NCF4: variants seen among roughly 807,000 people sequenced by gnomAD.
NCF4 encodes neutrophil cytosolic factor 4.
In NCF4, 30 loss-of-function variants were observed where a neutral mutation model predicts 41.7. The observed-to-expected ratio is 0.72, with a 90% CI of 0.54 to 0.97. The LOEUF (loss-of-function observed/expected upper bound fraction) is 0.97. Among genes scored for constraint, NCF4 ranks in the 50% least tolerant of loss-of-function variants. The pLI is 0.00. For synonymous variants in NCF4, 195 were observed against 175.8 expected (o/e 1.11, Z -0.87); for missense variants, 432 against 460.9 (o/e 0.94, Z 0.57).
In NCF4 at chr22:36,864,099, C is replaced by A. The variant is rs149998137; in HGVS notation, c.87C>A (p.Ile29=). 1 of 1,614,042 alleles carries A rather than the reference C, an allele frequency of 6.2e-7. No homozygotes were observed. The highest frequency in any genetic ancestry group is 1.3e-5 in the African/African-American group (1 of 75,006). The stretch of plus-strand genomic sequence containing the variant: ...CCATCTCGGCCAACATTGCTGACAT[C>A]GAGGAGAAGAGAGGCTTCACCAGCC... ...DVAISANIAD[I]EEKRGFTSHF... The change falls in exon 2 of 10, where the codon ATC becomes ATA. Residue 29 remains isoleucine, a synonymous_variant. Transcript: ENST00000248899.
chr22:36,861,447 CACA>C (rs956876563), intron 1 of NCF4, among the ~76,000 whole-genome samples: 6 of 152,250 alleles, frequency 3.9e-5, no homozygotes, highest in African/African-American at 9.6e-5. Flanking sequence ...CCCACGGTCA[CACA>C]ACGAGTGACC....
intron 2 of NCF4, 76 bp downstream of exon 2, chr22:36,864,205 A>C: frequency 8.7e-7 from 1 of 1,145,506 alleles, no homozygotes; most frequent in Non-Finnish European, 1.3e-6. Context: ...TTGCCCTCTG[A>C]CCTCTGAACC....
chr22:36,863,266 G>A lies in NCF4; in HGVS notation c.33-779G>A, dbSNP rs35563353. Among the ~76,000 whole-genome samples, 587 of 152,234 alleles carry A rather than the reference G, an allele frequency of 3.9e-3. 4 individuals are homozygous for A. Among genetic ancestry groups the A allele is most frequent in the African/African-American group, 0.013 (545 of 41,534 alleles). Reference sequence around the variant, plus strand: ...GCCCTCATGGAGATTTTAGGGCTGTGTTTGTTACAGATGGGACTGCATGAC... The same window carrying A: ...GCCCTCATGGAGATTTTAGGGCTGTATTTGTTACAGATGGGACTGCATGAC... On this transcript the variant is annotated intron_variant, in intron 1 of 9. Coordinates refer to ENST00000248899, the MANE Select transcript of NCF4 (RefSeq NM_000631.5).
chr22:36,862,401 A>G (rs147700493), intron 1 of NCF4, among the ~76,000 whole-genome samples: 4 of 152,284 alleles, frequency 2.6e-5, no homozygotes. Context: ...AGGCTGGCCG[A>G]CCTGAATTCC....
Position 36,861,075 on chromosome 22 carries a change from G to T in NCF4, c.-97G>T. On this transcript the variant is annotated 5_prime_UTR_variant, in exon 1 of 10. Coordinates refer to ENST00000248899, the MANE Select transcript of NCF4 (RefSeq NM_000631.5). ...GGGGACTCCCAGGACCACAGGCTGA[G>T]ACGAGACGCAGGGTGGCTGGAGGAA... The T allele has an allele frequency of 6.7e-7, 1 of 1,499,318 alleles. No homozygotes were observed. The highest frequency in any genetic ancestry group is 9.1e-7 in the Non-Finnish European group (1 of 1,100,166). The allele number at this position is 1,499,318 out of a possible 1,614,324, so 92.9% of individuals were successfully genotyped here. A position where few individuals can be genotyped will look rare whatever the true frequency, so the allele number is the denominator to read the frequency against.
rs532148733 is a variant in NCF4, at chr22:36,875,822, T to A, written c.758+39T>A. On this transcript the variant is annotated intron_variant, in intron 8 of 9. Transcript: ENST00000248899. ...GAGGGAGGGGCCTGTCCAGCCTTCC[T>A]GCCATCCCTACGACCACTGCCCCTC... 20 of 1,613,986 alleles carry A rather than the reference T, an allele frequency of 1.2e-5. No homozygotes were observed. Among genetic ancestry groups the A allele is most frequent in the Non-Finnish European group, 1.7e-5 (20 of 1,180,000 alleles).
At chr22:36,874,518 A>C (rs1205443255) in intron 7 of NCF4, among the ~76,000 whole-genome samples, 1 of 152,184 alleles carries the variant, frequency 6.6e-6, no homozygotes, top group African/African-American at 2.4e-5. Flanking sequence ...GGGCTCTTAC[A>C]GAGGCCTGAG....
chr22:36,877,674 G>A lies in NCF4; in HGVS notation c.871G>A (p.Glu291Lys). ...CATAGCTCTGAATTACCGGGACGCT[G>A]AGGGGGATCTGGTTCGGCTGCTGTC... ...EDIALNYRDA[E>K]GDLVRLLSDE... The change falls in exon 10 of 10, where the codon GAG (glutamate) becomes AAG (lysine). Residue 291 changes from glutamate to lysine, a missense_variant. By Grantham distance (56) the Glu-to-Lys change is moderately conservative. Transcript: ENST00000248899. 3 of 1,614,224 alleles carry A rather than the reference G, an allele frequency of 1.9e-6. No individual in the cohort carries two copies. The highest frequency in any genetic ancestry group is 2.7e-5 in the African/African-American group (2 of 75,050).
In NCF4 at chr22:36,877,699, C is replaced by T. The variant is rs1291456163; in HGVS notation, c.896C>T (p.Ser299Leu). The change falls in exon 10 of 10, where the codon TCG becomes TTG. Residue 299 changes from serine to leucine, a missense_variant. By Grantham distance (145) the Ser-to-Leu change is moderately radical. Transcript: ENST00000248899. ...GAGGGGGATCTGGTTCGGCTGCTGT[C>T]GGATGAGGACGTAGCGCTCATGGTG... ...DAEGDLVRLL[S>L]DEDVALMVRQ... 9 of 1,614,042 alleles carry T rather than the reference C, an allele frequency of 5.6e-6. No homozygotes were observed. The highest frequency in any genetic ancestry group is 5.3e-5 in the African/African-American group (4 of 74,902).
At chr22:36,876,191 CGTGT>C (rs1940190457) in intron 9 of NCF4, 97 bp downstream of exon 9, 2 of 1,241,982 alleles carry the variant, frequency 1.6e-6, no homozygotes, top group Non-Finnish European at 2.2e-6. Context: ...TGGGGTTTTG[CGTGT>C]ACTTTGTCTT....
Position 36,871,719 on chromosome 22 carries a change from G to A in NCF4, c.528+10G>A, listed in dbSNP as rs761240184. ...AGCTCCGAGAGCAGAGGTAACCCCC[G>A]CCCCCACGCTGGCCAGGCTCTCACA... is the stretch of plus-strand genomic sequence containing the variant. On this transcript the variant is annotated intron_variant, in intron 6 of 9. Coordinates refer to ENST00000248899, the MANE Select transcript of NCF4 (RefSeq NM_000631.5). The A allele has an allele frequency of 4.0e-5, 63 of 1,557,062 alleles. No homozygotes were observed. The highest frequency in any genetic ancestry group is 2.0e-4 in the African/African-American group (15 of 73,506).
intron 4 of NCF4, among the ~76,000 whole-genome samples, chr22:36,869,792 A>G (rs1180941994): frequency 1.3e-5 from 2 of 152,226 alleles, no homozygotes; most frequent in African/African-American, 4.8e-5. Flanking sequence ...CCTCTGGGCC[A>G]GGTACTTTCC....
In NCF4 at chr22:36,877,924, T is replaced by G; in HGVS notation, c.*101T>G. On this transcript the variant is annotated 3_prime_UTR_variant, in exon 10 of 10. Coordinates refer to ENST00000248899, the MANE Select transcript of NCF4 (RefSeq NM_000631.5). Reference sequence around the variant, plus strand: ...AACCTGGGAGGATGGGCAGACTTCCTGTCTTTGAGGCTAATGGACCCGTGG... The same window carrying G: ...AACCTGGGAGGATGGGCAGACTTCCGGTCTTTGAGGCTAATGGACCCGTGG... 8.1e-7 allele frequency: 1 copy of G among 1,229,970 alleles called. No individual in the cohort carries two copies. Among genetic ancestry groups the G allele is most frequent in the Non-Finnish European group, 1.1e-6 (1 of 870,354 alleles). 76.2% of individuals were successfully genotyped at this position (1,229,970 alleles called of 1,614,324 possible).
Position 36,865,551 on chromosome 22 carries a change from A to G in NCF4, c.271+479A>G, listed in dbSNP as rs1939907558. On this transcript the variant is annotated intron_variant, in intron 3 of 9. Coordinates refer to ENST00000248899, the MANE Select transcript of NCF4 (RefSeq NM_000631.5). This position sits in a 1 kb window ranked among gnomAD's most constrained non-coding sequence, Gnocchi z 4.3. ...CCCGCCAGGAAGCTGGGTGGCCTCA[A>G]GCCTCTGCTTGCAAACAGTCTCCCC... is the stretch of plus-strand genomic sequence containing the variant. 6.6e-6 allele frequency among the ~76,000 whole-genome samples: 1 copy of G among 151,906 alleles called. No homozygotes were observed. The highest frequency in any genetic ancestry group is 2.1e-4 in the South Asian group (1 of 4,822).
chr22:36,876,112 G>A lies in NCF4; in HGVS notation c.824+18G>A, dbSNP rs931993506. ...CTCACAAGGTGAGGGGCTGGGAATG[G>A]GGCTGGGGAGTTAGATACTCTGGAG... On this transcript the variant is annotated intron_variant, in intron 9 of 9. Transcript: ENST00000248899. 10 of 1,591,104 alleles carry A rather than the reference G, an allele frequency of 6.3e-6. No individual in the cohort carries two copies. Among genetic ancestry groups the A allele is most frequent in the Admixed American group, 3.4e-5 (2 of 58,266 alleles).
At chr22:36,862,121 G>A (rs1939788061) in intron 1 of NCF4, among the ~76,000 whole-genome samples, 1 of 152,194 alleles carries the variant, frequency 6.6e-6, no homozygotes, top group Non-Finnish European at 1.5e-5. Flanking sequence ...CTAAGCTGCG[G>A]GGGCCCTGAG....
chr22:36,871,179 G>A (rs901423598), intron 5 of NCF4, among the ~76,000 whole-genome samples: 2 of 152,188 alleles, frequency 1.3e-5, no homozygotes, highest in East Asian at 1.9e-4. Context: ...CTCCATGCCT[G>A]GCATCTCCCC....
chr22:36,869,680 G>A (rs536369558), intron 4 of NCF4, among the ~76,000 whole-genome samples: 36 of 152,212 alleles, frequency 2.4e-4, no homozygotes, highest in Non-Finnish European at 4.4e-4. Flanking sequence ...GGGTGCTCGC[G>A]TCCTCACAGC....
chr22:36,861,343 C>A, intron 1 of NCF4, 140 bp downstream of exon 1: 1 of 1,099,388 alleles, frequency 9.1e-7, no homozygotes, highest in Non-Finnish European at 1.3e-6. Context: ...AGAAATGCAA[C>A]CTCTCAGAAC....
Sources: gnomAD v4.1 joint callset for allele counts (sites outside exome capture counted in the v4.1 genomes callset) on GRCh38, gnomAD v4.1.1 for gene constraint, Gnocchi (gnomAD v3.1) non-coding constraint, MANE v1.5 for transcripts, NCBI Gene and HGNC (gene_info 2026-07-23, HGNC 2026-07-21) for gene names.